SLC9B1: variants seen among roughly 807,000 people sequenced by gnomAD.
The protein encoded by SLC9B1 is sodium/hydrogen exchanger 9B1.
Under a neutral mutation model 51.7 loss-of-function variants are expected in SLC9B1, and 32 were observed. The ratio of observed to expected loss-of-function variants is 0.62; its 90% CI spans 0.47 to 0.83. The LOEUF (loss-of-function observed/expected upper bound fraction) is 0.83. Among genes scored for constraint, SLC9B1 ranks in the 40% least tolerant of loss-of-function variants. SLC9B1 has a pLI of 0.00. For missense variants in SLC9B1, 406 were observed against 613.2 expected (o/e 0.66, Z 3.57); for synonymous variants, 145 against 212.7 (o/e 0.68, Z 2.77).
intron 6 of SLC9B1, among the ~76,000 whole-genome samples, chr4:102,943,658 T>C (rs1441921475): frequency 6.6e-6 from 1 of 152,060 alleles, no homozygotes; most frequent in Non-Finnish European, 1.5e-5. Flanking sequence ...AAACCAAACA[T>C]TGTATGTTCT....
At chr4:103,011,891 A>G (rs188120751) in intron 1 of SLC9B1, among the ~76,000 whole-genome samples, 48 of 152,298 alleles carry the variant, frequency 3.2e-4, no homozygotes, top group Non-Finnish European at 5.7e-4. Flanking sequence ...AGCCTGTGAT[A>G]AGAGTGGTAG....
At chr4:102,985,069 T>C (rs1419678557) in intron 3 of SLC9B1, among the ~76,000 whole-genome samples, 1 of 152,234 alleles carries the variant, frequency 6.6e-6, no homozygotes, top group Non-Finnish European at 1.5e-5. Context: ...TTTATTATTA[T>C]GTAATGCTCC....
intron 7 of SLC9B1, among the ~76,000 whole-genome samples, chr4:102,925,999 A>G (rs954633024): frequency 6.6e-6 from 1 of 152,290 alleles, no homozygotes; most frequent in African/African-American, 2.4e-5. Flanking sequence ...CAAAAACCAC[A>G]TGATTATCTC....
intron 1 of SLC9B1, among the ~76,000 whole-genome samples, chr4:103,013,452 G>A (rs1003355212): frequency 6.6e-6 from 1 of 151,650 alleles, no homozygotes; most frequent in Non-Finnish European, 1.5e-5. Context: ...TTAAATATTG[G>A]GCTTCCTCAG....
intron 11 of SLC9B1, among the ~76,000 whole-genome samples, chr4:102,895,298 A>T (rs936100600): frequency 1.3e-5 from 2 of 152,220 alleles, no homozygotes; most frequent in African/African-American, 4.8e-5. Context: ...TTGAAGTGAC[A>T]CATAAAATGA....
intron 3 of SLC9B1, among the ~76,000 whole-genome samples, chr4:102,978,666 AG>A (rs1739203454): frequency 6.6e-6 from 1 of 152,198 alleles, no homozygotes; most frequent in African/African-American, 2.4e-5. Flanking sequence ...AGGAAACAAC[AG>A]GTGCTGGAGA....
intron 1 of SLC9B1, among the ~76,000 whole-genome samples, chr4:102,992,529 G>A (rs1739997310): frequency 6.6e-6 from 1 of 152,138 alleles, no homozygotes; most frequent in East Asian, 1.9e-4. Context: ...AACATTAACA[G>A]TTGAGTAGCT....
intron 3 of SLC9B1, among the ~76,000 whole-genome samples, chr4:102,983,859 T>C (rs960399703): frequency 5.3e-5 from 8 of 152,086 alleles, no homozygotes; most frequent in South Asian, 2.1e-4. Flanking sequence ...ATTTATTGAT[T>C]TCCTGTTTTT....
Position 102,932,242 on chromosome 4 carries a change from T to C in SLC9B1, c.711A>G (p.Gln237=). 6.2e-7 allele frequency: 1 copy of C among 1,611,914 alleles called. No homozygotes were observed. The highest frequency in any genetic ancestry group is 8.5e-7 in the Non-Finnish European group (1 of 1,179,806). Residue 237 remains glutamine, a synonymous_variant, in exon 7 of 12, where the codon CAA becomes CAG. Coordinates refer to ENST00000296422, the MANE Select transcript of SLC9B1 (RefSeq NM_139173.4). ...AVVVPYMMVL[Q]ENGYGVEEGI... is the part of the protein sequence containing the mutation. ...CTTCCTCAACACCATATCCATTTTC[T>C]TGCAGCACCATCATGTAAGGGACAA...
At chr4:103,014,698 T>G (rs758596986) in intron 1 of SLC9B1, among the ~76,000 whole-genome samples, 5 of 152,234 alleles carry the variant, frequency 3.3e-5, no homozygotes, top group Admixed American at 2.6e-4. Context: ...ATACTAAATA[T>G]TCTTTGCATT....
At chr4:102,945,102 C>T in intron 6 of SLC9B1, 91 bp downstream of exon 6, 1 of 1,278,430 alleles carries the variant, frequency 7.8e-7, no homozygotes, top group Non-Finnish European at 1.0e-6. Flanking sequence ...TTTAATAGAG[C>T]TTTTCTATAC....
At chr4:102,913,796 T>TAAAAAAAAAAAAAAAAAAAAAAGAAACA (rs61244946) in intron 7 of SLC9B1, among the ~76,000 whole-genome samples, 2 of 71,446 alleles carry the variant, frequency 2.8e-5, no homozygotes, top group Non-Finnish European at 5.6e-5. Flanking sequence ...AGATAGAAAC[T>TAAAAAAAAAAAAAAAAAAAAAAGAAACA]AAAAAAAAAA....
At chr4:102,964,494 G>C (rs897046633) in intron 3 of SLC9B1, among the ~76,000 whole-genome samples, 2 of 152,046 alleles carry the variant, frequency 1.3e-5, no homozygotes, top group African/African-American at 4.8e-5. Flanking sequence ...GACATTACAA[G>C]AAAACACAGC....
intron 11 of SLC9B1, chr4:102,889,160 T>G (rs1435828968): frequency 6.6e-6 from 1 of 152,224 alleles, no homozygotes; most frequent in African/African-American, 2.4e-5. Context: ...TGTAGTCTGG[T>G]TTTTGAGAAG....
At chr4:102,983,585 T>C (rs1029039791) in intron 3 of SLC9B1, among the ~76,000 whole-genome samples, 4 of 152,204 alleles carry the variant, frequency 2.6e-5, no homozygotes, top group Non-Finnish European at 5.9e-5. Flanking sequence ...ATTCATATTA[T>C]CCACTTCCTC....
intron 7 of SLC9B1, among the ~76,000 whole-genome samples, chr4:102,929,660 A>G (rs375305974): frequency 2.4e-3 from 317 of 134,744 alleles, no homozygotes; most frequent in Admixed American, 5.5e-3. Flanking sequence ...AGCTGGGATT[A>G]CAGGCCTGTG....
intron 3 of SLC9B1, among the ~76,000 whole-genome samples, chr4:102,957,905 T>C (rs1158776725): frequency 6.6e-6 from 1 of 152,108 alleles, no homozygotes; most frequent in Non-Finnish European, 1.5e-5. Context: ...GTACATTGGA[T>C]CAAAGTTGCT....
chr4:102,984,278 G>C (rs932211094), intron 3 of SLC9B1, among the ~76,000 whole-genome samples: 1 of 152,002 alleles, frequency 6.6e-6, no homozygotes, highest in Non-Finnish European at 1.5e-5. Flanking sequence ...ACCACACTCA[G>C]CTAATTTTTA....
intron 11 of SLC9B1, among the ~76,000 whole-genome samples, chr4:102,904,600 T>G (rs554255903): frequency 1.3e-5 from 2 of 152,030 alleles, no homozygotes; most frequent in South Asian, 4.1e-4. Flanking sequence ...TCCCAGAACT[T>G]TAGGAGGCTG....
Sources: gnomAD v4.1 joint callset for allele counts (sites outside exome capture counted in the v4.1 genomes callset) on GRCh38, gnomAD v4.1.1 for gene constraint, MANE v1.5 for transcripts, NCBI Gene and HGNC (gene_info 2026-07-23, HGNC 2026-07-21) for gene names.